TENM3: variants seen among roughly 807,000 people sequenced by gnomAD.
TENM3 encodes the protein teneurin-3.
A neutral mutation model predicts 255.1 loss-of-function variants in TENM3; 63 were observed. That is an observed-to-expected ratio of 0.25 (90% CI 0.20 to 0.30). TENM3 has a LOEUF of 0.30. Ranked by LOEUF, TENM3 falls within the 10% of genes least tolerant of loss-of-function variation. The probability of loss-of-function intolerance (pLI) is 1.00; values close to 1 mark genes in which losing one functional copy is unlikely to be tolerated. For missense variants in TENM3, 2,929 were observed against 3,461.1 expected, an observed-to-expected ratio of 0.85 and a Z score of 3.86; for synonymous variants, 1,306 against 1,322.3, an observed-to-expected ratio of 0.99 and a Z score of 0.27.
the TENM3 span, among the ~76,000 whole-genome samples, chr4:181,883,830 T>A: frequency 6.6e-6 from 1 of 152,156 alleles, no homozygotes; most frequent in Non-Finnish European, 1.5e-5. Context: ...AGAAGATTAA[T>A]GGCAGGAACA....
At chr4:182,205,855 G>T (rs922029587) in intron 1 of TENM3, among the ~76,000 whole-genome samples, 3 of 152,052 alleles carry the variant, frequency 2.0e-5, no homozygotes, top group Admixed American at 6.6e-5. Flanking sequence ...CTTCGTACAC[G>T]CAGGCAAAGT....
the TENM3 span, among the ~76,000 whole-genome samples, chr4:181,688,258 T>A: frequency 6.6e-6 from 1 of 152,182 alleles, no homozygotes; most frequent in Non-Finnish European, 1.5e-5. Context: ...AAATTGAGCA[T>A]GGTTAAAAAT....
At chr4:182,444,432 A>G (rs1443100993) in intron 3 of TENM3, among the ~76,000 whole-genome samples, 1 of 152,144 alleles carries the variant, frequency 6.6e-6, no homozygotes, top group Non-Finnish European at 1.5e-5. Context: ...AAAAATATAT[A>G]TATATTTACA....
At chr4:181,689,442 A>T in the TENM3 span, among the ~76,000 whole-genome samples, 1 of 152,196 alleles carries the variant, frequency 6.6e-6, no homozygotes, top group Non-Finnish European at 1.5e-5. Context: ...TCTTCAGGTC[A>T]GTGGGCACAG....
At chr4:182,559,955 T>C (rs899019159) in intron 3 of TENM3, among the ~76,000 whole-genome samples, 3 of 152,110 alleles carry the variant, frequency 2.0e-5, no homozygotes, top group Non-Finnish European at 4.4e-5. Flanking sequence ...CTTCAGATGA[T>C]GGATAACCCA....
chr4:182,365,240 T>C (rs1766347233), intron 3 of TENM3, among the ~76,000 whole-genome samples: 1 of 152,212 alleles, frequency 6.6e-6, no homozygotes, highest in South Asian at 2.1e-4. Context: ...TTATTCTGTG[T>C]GGATGTATGA....
At chr4:182,783,171 C>T (rs1380663232) in intron 24 of TENM3, among the ~76,000 whole-genome samples, 1 of 152,202 alleles carries the variant, frequency 6.6e-6, no homozygotes, top group Non-Finnish European at 1.5e-5. Context: ...TACATTTTGG[C>T]ATGACTTTGC....
chr4:181,826,501 C>T, the TENM3 span, among the ~76,000 whole-genome samples: 1 of 152,212 alleles, frequency 6.6e-6, no homozygotes, highest in Non-Finnish European at 1.5e-5. Flanking sequence ...TTTCCCATCT[C>T]ATGTCAGTCA....
chr4:181,956,371 A>G, the TENM3 span, among the ~76,000 whole-genome samples: 11 of 152,202 alleles, frequency 7.2e-5, no homozygotes, highest in Non-Finnish European at 1.6e-4. Context: ...AGTGTCTTCC[A>G]TTTTCAATAG....
intron 3 of TENM3, among the ~76,000 whole-genome samples, chr4:182,559,502 T>C (rs945664011): frequency 6.6e-6 from 1 of 152,144 alleles, no homozygotes; most frequent in African/African-American, 2.4e-5. Flanking sequence ...TGAACATATT[T>C]ACCTGCCTTT....
chr4:181,804,419 G>C, the TENM3 span, among the ~76,000 whole-genome samples: 1 of 152,246 alleles, frequency 6.6e-6, no homozygotes, highest in African/African-American at 2.4e-5. Flanking sequence ...GAAGCAGACA[G>C]ACACACAAAT....
At chr4:182,716,685 A>G (rs1759204770) in intron 13 of TENM3, among the ~76,000 whole-genome samples, 2 of 152,216 alleles carry the variant, frequency 1.3e-5, no homozygotes, top group Non-Finnish European at 2.9e-5. Flanking sequence ...TCAAAACACG[A>G]AAGATGGCAA....
the TENM3 span, among the ~76,000 whole-genome samples, chr4:182,122,948 G>T: frequency 3.3e-5 from 5 of 152,168 alleles, no homozygotes; most frequent in Non-Finnish European, 5.9e-5. Flanking sequence ...CAGCTTCTCC[G>T]TCAGCACTTG....
chr4:181,631,558 C>T, the TENM3 span, among the ~76,000 whole-genome samples: 1 of 152,054 alleles, frequency 6.6e-6, no homozygotes, highest in African/African-American at 2.4e-5. Flanking sequence ...CCAAAGTGCT[C>T]AGATTACAGG....
chr4:182,264,799 A>T (rs962203650), intron 1 of TENM3, among the ~76,000 whole-genome samples: 1 of 152,230 alleles, frequency 6.6e-6, no homozygotes, highest in Non-Finnish European at 1.5e-5. Context: ...AAGAAATCTG[A>T]AAGGATTTCT....
At chr4:181,927,131 C>T in the TENM3 span, among the ~76,000 whole-genome samples, 2 of 152,124 alleles carry the variant, frequency 1.3e-5, no homozygotes, top group African/African-American at 4.8e-5. Flanking sequence ...TTTTCATACC[C>T]CAGTGGCACC....
the TENM3 span, among the ~76,000 whole-genome samples, chr4:181,557,996 C>G: frequency 6.6e-6 from 1 of 152,170 alleles, no homozygotes; most frequent in South Asian, 2.1e-4. Context: ...TTGCTGATGC[C>G]AAAGTATTCC....
intron 1 of TENM3, among the ~76,000 whole-genome samples, chr4:182,161,833 A>ATGTG (rs1339194901): frequency 0.02 from 956 of 48,370 alleles, 215 homozygotes; most frequent in African/African-American, 0.048. Context: ...ATACACATAT[A>ATGTG]TATGTGTATA....
At chr4:181,861,411 G>A in the TENM3 span, among the ~76,000 whole-genome samples, 1 of 152,128 alleles carries the variant, frequency 6.6e-6, no homozygotes, top group East Asian at 1.9e-4. Flanking sequence ...TTTAACAGAT[G>A]TAAAATACAT....
Sources: gnomAD v4.1 joint callset for allele counts (sites outside exome capture counted in the v4.1 genomes callset) on GRCh38, gnomAD v4.1.1 for gene constraint, MANE v1.5 for transcripts, NCBI Gene and HGNC (gene_info 2026-07-23, HGNC 2026-07-21) for gene names.